RRAS2: variants seen among roughly 807,000 people sequenced by gnomAD.
The protein encoded by RRAS2 is RAS related 2.
RRAS2 carries 7 observed loss-of-function variants against 27.6 expected under a neutral mutation model. The ratio of observed to expected loss-of-function variants is 0.25; its 90% CI spans 0.14 to 0.48. The LOEUF is 0.48. Ranked by LOEUF, RRAS2 falls within the 20% of genes least tolerant of loss-of-function variation. The pLI, the probability that RRAS2 is intolerant of heterozygous loss-of-function variation, is 0.99. For missense variants in RRAS2, 178 were observed against 256.2 expected (o/e 0.69, Z 2.08); for synonymous variants, 86 against 90.9 (o/e 0.95, Z 0.31).
chr11:14,357,292 T>C (rs1849101235), intron 1 of RRAS2, among the ~76,000 whole-genome samples: 1 of 152,080 alleles, frequency 6.6e-6, no homozygotes, highest in Non-Finnish European at 1.5e-5. Context: ...CCTCCACTTA[T>C]CCCCTCACCC....
Position 14,358,577 on chromosome 11 carries a change from G to A in RRAS2, c.108+186C>T, listed in dbSNP as rs1304935119. 2.3e-5 allele frequency: 23 copies of A among 986,468 alleles called. No individual in the cohort carries two copies. The South Asian group carries it at 5.2e-4, about 22-fold the overall frequency. 61.1% of individuals were successfully genotyped at this position (986,468 alleles called of 1,614,324 possible). A position where few individuals can be genotyped will look rare whatever the true frequency, so the allele number is the denominator to read the frequency against. On this transcript the variant is annotated intron_variant, in intron 1 of 5. Transcript: ENST00000256196. This position sits in a 1 kb window ranked among gnomAD's most constrained non-coding sequence, Gnocchi z 5.1. Reference sequence around the variant, plus strand: ...TCCCGCGACGCCGCGCCCGGGAGGAGGCAGGAGCGCGACGCTGCGGCCGCA... The same window carrying A: ...TCCCGCGACGCCGCGCCCGGGAGGAAGCAGGAGCGCGACGCTGCGGCCGCA...
At chr11:14,311,999 G>C (rs1847982742) in intron 1 of RRAS2, among the ~76,000 whole-genome samples, 1 of 151,996 alleles carries the variant, frequency 6.6e-6, no homozygotes, top group Non-Finnish European at 1.5e-5. Flanking sequence ...TGAGTAGCTG[G>C]GATTACAGGC....
chr11:14,317,816 A>T (rs992163092), intron 1 of RRAS2, among the ~76,000 whole-genome samples: 8 of 152,210 alleles, frequency 5.3e-5, no homozygotes, highest in Admixed American at 1.3e-4. Context: ...CTGTAATCTC[A>T]GCAAGTCAGG....
rs575961930 is a variant in RRAS2, at chr11:14,306,976, A to C, written c.109-11121T>G. ...AAGGCCAAGGTGGGTGGATCACTTG[A>C]GGTCAGGAGTTCAAGACCAGCCTGG... On this transcript the variant is annotated intron_variant, in intron 1 of 5. Transcript: ENST00000256196. 3.9e-4 allele frequency among the ~76,000 whole-genome samples: 60 copies of C among 151,912 alleles called. No individual in the cohort carries two copies. The South Asian group carries it at 7.5e-3, about 19-fold the overall frequency.
chr11:14,305,059 T>C (rs532165942), intron 1 of RRAS2, among the ~76,000 whole-genome samples: 1 of 152,242 alleles, frequency 6.6e-6, no homozygotes, highest in Non-Finnish European at 1.5e-5. Flanking sequence ...GTAATCCTTT[T>C]AGTTCCTTTT....
At chr11:14,287,628 T>C (rs1849698545) in intron 4 of RRAS2, among the ~76,000 whole-genome samples, 1 of 151,844 alleles carries the variant, frequency 6.6e-6, no homozygotes, top group African/African-American at 2.4e-5. Flanking sequence ...TCCAAACACT[T>C]TGGGAGGCCG....
At chr11:14,279,583 G>A (rs984532189) in intron 5 of RRAS2, among the ~76,000 whole-genome samples, 159 bp from the exon 6 acceptor site, 2 of 151,958 alleles carry the variant, frequency 1.3e-5, no homozygotes, top group Admixed American at 6.6e-5. Context: ...ACCAAAAAAG[G>A]GCACAAACGC....
intron 1 of RRAS2, among the ~76,000 whole-genome samples, chr11:14,364,220 T>G (rs1849225530): frequency 6.6e-6 from 1 of 152,196 alleles, no homozygotes; most frequent in South Asian, 2.1e-4. Context: ...CAAACCAATA[T>G]TGACCAAACA....
At chr11:14,362,837 G>A (rs1554956286), upstream of RRAS2, among the ~76,000 whole-genome samples, 1 of 152,184 alleles carries the variant, frequency 6.6e-6, no homozygotes, top group African/African-American at 2.4e-5. Context: ...ACCCCGGAGA[G>A]CCTCACATCG....
chr11:14,315,893 G>A (rs188175839), intron 1 of RRAS2, among the ~76,000 whole-genome samples: 136 of 152,258 alleles, frequency 8.9e-4, no homozygotes, highest in Middle Eastern at 3.4e-3. Flanking sequence ...ACATTTTAGG[G>A]TACTCAGAGG....
At chr11:14,313,842 T>C (rs1280285974) in intron 1 of RRAS2, among the ~76,000 whole-genome samples, 1 of 152,198 alleles carries the variant, frequency 6.6e-6, no homozygotes, top group Non-Finnish European at 1.5e-5. Context: ...AAATTTCCCT[T>C]GTTTATACCA....
rs141890532 is a variant in RRAS2 at position 14,322,397 on chromosome 11, G to A, written c.109-26542C>T. 5.7e-3 allele frequency among the ~76,000 whole-genome samples: 869 copies of A among 151,586 alleles called. 11 individuals are homozygous for A. The highest frequency in any genetic ancestry group is 0.02 in the African/African-American group (807 of 41,332). On this transcript the variant is annotated intron_variant, in intron 1 of 5. Coordinates refer to ENST00000256196, the MANE Select transcript of RRAS2 (RefSeq NM_012250.6). ...TGAGACTGCAGTGAGCTGAGACAGC[G>A]TCACTGCACTCCAGCCTGGGTGACA... is the stretch of plus-strand genomic sequence containing the variant.
At chr11:14,289,931 G>C (rs1277192456) in intron 4 of RRAS2, among the ~76,000 whole-genome samples, 3 of 152,102 alleles carry the variant, frequency 2.0e-5, no homozygotes, top group Non-Finnish European at 4.4e-5. Flanking sequence ...AACTACAAAT[G>C]ATCAAGTCTA....
At position 14,315,157 on chromosome 11, in the gene RRAS2, C is replaced by A. The variant is rs1848069341; in HGVS notation, c.109-19302G>T. Among the ~76,000 whole-genome samples the A allele has an allele frequency of 2.0e-5, 3 of 152,280 alleles. No individual in the cohort carries two copies. In the South Asian group the frequency reaches 6.2e-4, roughly 32 times the overall value. On this transcript the variant is annotated intron_variant, in intron 1 of 5. Coordinates refer to ENST00000256196, the MANE Select transcript of RRAS2 (RefSeq NM_012250.6). ...AGTGTGAGCTGCACATAAGGACTTC[C>A]TTCCAAAGAATACAATATGGAAAAG...
intron 1 of RRAS2, among the ~76,000 whole-genome samples, chr11:14,307,250 A>G (rs1445016405): frequency 2.6e-5 from 4 of 151,884 alleles, no homozygotes; most frequent in African/African-American, 9.7e-5. Context: ...AAAAAAGCAG[A>G]AAAAGGAAGA....
At chr11:14,345,820 C>A (rs113615919) in intron 1 of RRAS2, among the ~76,000 whole-genome samples, 1 of 152,160 alleles carries the variant, frequency 6.6e-6, no homozygotes, top group Non-Finnish European at 1.5e-5. Context: ...AGCTCTCCAA[C>A]GTCAACTTGC....
At chr11:14,318,365 T>C (rs1175800455) in intron 1 of RRAS2, among the ~76,000 whole-genome samples, 1 of 152,038 alleles carries the variant, frequency 6.6e-6, no homozygotes, top group Non-Finnish European at 1.5e-5. Flanking sequence ...TAGCAGGGCG[T>C]AGTTGCGCAT....
intron 4 of RRAS2, among the ~76,000 whole-genome samples, chr11:14,287,765 G>A (rs1391570520): frequency 2.0e-5 from 3 of 151,574 alleles, no homozygotes; most frequent in Non-Finnish European, 4.4e-5. Context: ...CCAGCTACTC[G>A]GGAGGCTGAG....
At chr11:14,290,141 G>A (rs782654705) in intron 4 of RRAS2, among the ~76,000 whole-genome samples, 1 of 152,174 alleles carries the variant, frequency 6.6e-6, no homozygotes, top group Non-Finnish European at 1.5e-5. Flanking sequence ...ACCTTTAATT[G>A]TGAAGAGATG....
Sources: allele counts gnomAD v4.1 joint callset (sites outside exome capture counted in the v4.1 genomes callset), GRCh38; gene constraint gnomAD v4.1.1; non-coding constraint Gnocchi (gnomAD v3.1); transcripts MANE v1.5; gene names NCBI Gene and HGNC (gene_info 2026-07-23, HGNC 2026-07-21).